GOLM1: variants seen among roughly 807,000 people sequenced by gnomAD.
GOLM1 encodes the protein epididymis luminal protein 46.
A neutral mutation model predicts 50.5 loss-of-function variants in GOLM1; 31 were observed. That is an observed-to-expected ratio of 0.61 (90% CI 0.46 to 0.83). The LOEUF (loss-of-function observed/expected upper bound fraction) is 0.83, where lower values mean the gene tolerates loss of function less well. Among genes scored for constraint, GOLM1 ranks in the 40% least tolerant of loss-of-function variants. The pLI is 0.00. For missense variants in GOLM1, 491 were observed against 501.3 expected (o/e 0.98, Z 0.20); for synonymous variants, 178 against 192.8 (o/e 0.92, Z 0.64).
chr9:86,032,785 C>CAAGA (rs1466866186), intron 9 of GOLM1, among the ~76,000 whole-genome samples: 1 of 152,174 alleles, frequency 6.6e-6, no homozygotes, highest in Non-Finnish European at 1.5e-5. Context: ...TGGGGAGAAG[C>CAAGA]AAGAATTCAT....
upstream of GOLM1, chr9:86,099,882 G>C (rs987760648): frequency 5.9e-5 from 9 of 152,414 alleles, no homozygotes; most frequent in African/African-American, 2.2e-4. Flanking sequence ...CCCATCCCAC[G>C]TTCCGCCCCG....
At chr9:86,034,696 T>A (rs1833080258) in intron 8 of GOLM1, among the ~76,000 whole-genome samples, 1 of 152,192 alleles carries the variant, frequency 6.6e-6, no homozygotes, top group African/African-American at 2.4e-5. Context: ...CAAGGTAACT[T>A]CTGCAAATAA....
chr9:86,078,842 G>A lies in GOLM1; in HGVS notation c.129+350C>T, dbSNP rs549775429. 6.7e-4 allele frequency among the ~76,000 whole-genome samples: 102 copies of A among 152,264 alleles called. 2 individuals carry two copies. The highest frequency in any genetic ancestry group is 5.8e-4 in the African/African-American group (24 of 41,534). On this transcript the variant is annotated intron_variant, in intron 2 of 9. Transcript: ENST00000388712. ...TCCAATACTACTCTTCGATATCTTG[G>A]GCGCCGGAGGACCGCAAACAACGGA...
At chr9:86,054,267 CTTTT>C (rs1377924416) in intron 3 of GOLM1, among the ~76,000 whole-genome samples, 1 of 140,180 alleles carries the variant, frequency 7.1e-6, no homozygotes. Context: ...CACTCATTGA[CTTTT>C]TTTTTTTTTT....
intron 1 of GOLM1, among the ~76,000 whole-genome samples, chr9:86,088,467 A>G (rs1472173130): frequency 8.7e-6 from 1 of 115,422 alleles, no homozygotes; most frequent in East Asian, 3.0e-4. Flanking sequence ...TTTAGGATAG[A>G]TAGGTCTTCT....
intron 6 of GOLM1, chr9:86,036,751 C>G: frequency 2.0e-6 from 1 of 509,590 alleles, no homozygotes; most frequent in Non-Finnish European, 3.4e-6. Flanking sequence ...GGCAGTGATT[C>G]TGCTGAGAGG....
Position 86,026,444 on chromosome 9 carries a change from G to C in GOLM1, c.*1373C>G, listed in dbSNP as rs73476935. 1.0e-2 allele frequency: 9,823 copies of C among 983,532 alleles called. 730 individuals are homozygous for C. In the African/African-American group the frequency reaches 0.16, roughly 16 times the overall value. The allele number at this position is 983,532 out of a possible 1,614,324, so 60.9% of individuals were successfully genotyped here. The stretch of plus-strand genomic sequence containing the variant: ...GGCCTGCTTCAGTGACTGTGTGCCT[G>C]TAGTCCCAGCTACTCGGGAGTCTGT... On this transcript the variant is annotated 3_prime_UTR_variant, in exon 10 of 10. Coordinates refer to ENST00000388712, the MANE Select transcript of GOLM1 (RefSeq NM_016548.4).
intron 3 of GOLM1, among the ~76,000 whole-genome samples, chr9:86,065,309 G>A (rs1834276689): frequency 1.3e-5 from 2 of 152,114 alleles, no homozygotes; most frequent in African/African-American, 4.8e-5. Context: ...CACAGGCCAG[G>A]GCAGAACAGA....
rs537517744 is a variant in GOLM1, at chr9:86,028,322, G to A, written c.1130-429C>T. On this transcript the variant is annotated intron_variant, in intron 9 of 9. Coordinates refer to ENST00000388712, the MANE Select transcript of GOLM1 (RefSeq NM_016548.4). ...ACACTGGCAGAAGAACACATCGAAA[G>A]ACGCTGGCAGGCCATTGATGGTGGA... Among the ~76,000 whole-genome samples, 113 of 152,328 alleles carry A rather than the reference G, an allele frequency of 7.4e-4. 1 individual carries two copies. Among genetic ancestry groups the A allele is most frequent in the Admixed American group, 6.5e-4 (10 of 15,300 alleles).
intron 1 of GOLM1, among the ~76,000 whole-genome samples, chr9:86,088,705 G>A (rs1210912799): frequency 6.6e-6 from 1 of 150,914 alleles, no homozygotes; most frequent in Non-Finnish European, 1.5e-5. Flanking sequence ...TATGGGTCTT[G>A]AGTCTATCCA....
At chr9:86,037,497 A>G (rs578152914) in intron 6 of GOLM1, among the ~76,000 whole-genome samples, 2 of 152,258 alleles carry the variant, frequency 1.3e-5, no homozygotes, top group African/African-American at 4.8e-5. Flanking sequence ...CAGCATACCA[A>G]AACTTATGGG....
At position 86,094,049 on chromosome 9, in the gene GOLM1, G is replaced by A. The variant is rs772412502; in HGVS notation, c.-22+5362C>T. ...CACACCCCGGCGCAGCCTGGAGTCCGGGAAAGAATCAGTCACCAAGTTTTC... is the reference window on the plus strand; with the variant it reads ...CACACCCCGGCGCAGCCTGGAGTCCAGGAAAGAATCAGTCACCAAGTTTTC... On this transcript the variant is annotated intron_variant, in intron 1 of 9. Transcript: ENST00000388712. 1.2e-4 allele frequency among the ~76,000 whole-genome samples: 18 copies of A among 152,208 alleles called. 1 individual carries two copies. The highest frequency in any genetic ancestry group is 2.5e-4 in the Non-Finnish European group (17 of 68,038).
intron 3 of GOLM1, among the ~76,000 whole-genome samples, chr9:86,065,964 C>T (rs1000302834): frequency 1.3e-5 from 2 of 152,088 alleles, no homozygotes; most frequent in African/African-American, 4.8e-5. Flanking sequence ...CATATGAACC[C>T]GGGAGGCGGA....
At chr9:86,043,385 C>G (rs992328686) in intron 5 of GOLM1, among the ~76,000 whole-genome samples, 21 of 152,122 alleles carry the variant, frequency 1.4e-4, no homozygotes, top group Non-Finnish European at 2.9e-4. Context: ...TTTGTGTTCT[C>G]GGCACTGCCT....
intron 3 of GOLM1, among the ~76,000 whole-genome samples, chr9:86,055,632 ATAC>A (rs747069976): frequency 6.3e-4 from 96 of 152,362 alleles, no homozygotes; most frequent in Non-Finnish European, 9.6e-4. Context: ...ATACGGACAC[ATAC>A]TACAACATGG....
chr9:86,028,396 G>A (rs776909824), intron 9 of GOLM1, among the ~76,000 whole-genome samples: 2 of 152,196 alleles, frequency 1.3e-5, no homozygotes, highest in African/African-American at 2.4e-5. Context: ...AGGAGATCCC[G>A]GCTGCTGAGC....
chr9:86,045,395 G>A (rs571379244), intron 5 of GOLM1, among the ~76,000 whole-genome samples: 43 of 151,896 alleles, frequency 2.8e-4, no homozygotes, highest in Middle Eastern at 3.4e-3. Context: ...GAATATGGCC[G>A]GGCACAGTGG....
intron 1 of GOLM1, among the ~76,000 whole-genome samples, chr9:86,094,247 G>A (rs1563970912): frequency 6.6e-6 from 1 of 152,098 alleles, no homozygotes; most frequent in African/African-American, 2.4e-5. Flanking sequence ...GAACTGAAAA[G>A]TTGAGACAGA....
In GOLM1 at chr9:86,035,486, G is replaced by A. The variant is rs748415027; in HGVS notation, c.897C>T (p.Thr299=). Residue 299 remains threonine (T), a synonymous_variant, in exon 8 of 10, where the codon ACC becomes ACT. Coordinates refer to ENST00000388712, the MANE Select transcript of GOLM1 (RefSeq NM_016548.4). ...CTGACAGGGCAGCCTGCACCTGTGG[G>A]GTCTGGCCCAGTTCTCCGGCTCCCC... ...GFGGAGELGQ[T]PQVQAALSVS... is the part of the protein sequence containing the mutation. 1 of 1,613,480 alleles carries A rather than the reference G, an allele frequency of 6.2e-7. No individual in the cohort carries two copies.
Sources: allele counts gnomAD v4.1 joint callset (sites outside exome capture counted in the v4.1 genomes callset), GRCh38; gene constraint gnomAD v4.1.1; transcripts MANE v1.5; gene names NCBI Gene and HGNC (gene_info 2026-07-23, HGNC 2026-07-21).